The following BMERB1 variants were observed in gnomAD, a reference collection of about 807,000 sequenced individuals.
BMERB1 encodes bMERB domain containing 1.
A neutral mutation model predicts 23.6 loss-of-function variants in BMERB1; 12 were observed. The observed-to-expected ratio is 0.51, with a 90% confidence interval of 0.33 to 0.82. The LOEUF (loss-of-function observed/expected upper bound fraction) is 0.82. Among genes scored for constraint, BMERB1 ranks in the 40% least tolerant of loss-of-function variants. The probability of loss-of-function intolerance (pLI) is 0.03; values close to 1 mark genes in which losing one functional copy is unlikely to be tolerated. For synonymous variants in BMERB1, 122 were observed against 96.6 expected, an observed-to-expected ratio of 1.26 and a Z score of -1.54; for missense variants, 247 against 255.4, an observed-to-expected ratio of 0.97 and a Z score of 0.22.
intron 1 of BMERB1, among the ~76,000 whole-genome samples, chr16:15,440,919 G>T (rs1428722717): frequency 6.6e-6 from 1 of 152,148 alleles, no homozygotes; most frequent in Non-Finnish European, 1.5e-5. Flanking sequence ...TAGGGAAGGG[G>T]TACTTTTCAT....
chr16:15,485,702 T>TC (rs1033868741), intron 1 of BMERB1, among the ~76,000 whole-genome samples: 13 of 144,520 alleles, frequency 9.0e-5, no homozygotes, highest in Non-Finnish European at 1.7e-4. Context: ...GTGGGTTTTT[T>TC]CCCCCCCAGG....
intron 1 of BMERB1, among the ~76,000 whole-genome samples, chr16:15,473,545 A>C (rs1028330398): frequency 1.3e-5 from 2 of 151,898 alleles, no homozygotes; most frequent in African/African-American, 4.8e-5. Flanking sequence ...CACCCGCCTC[A>C]GCCTCCCAAA....
chr16:15,435,505 G>C (rs968926046), intron 1 of BMERB1, among the ~76,000 whole-genome samples: 8 of 152,172 alleles, frequency 5.3e-5, no homozygotes, highest in Non-Finnish European at 7.3e-5. Context: ...TGCCCTCAAA[G>C]TGTAGAGGCA....
chr16:15,437,057 A>G (rs2050894763), intron 1 of BMERB1, among the ~76,000 whole-genome samples: 1 of 152,152 alleles, frequency 6.6e-6, no homozygotes, highest in South Asian at 2.1e-4. Flanking sequence ...CAGGATTTGA[A>G]CCCCGGTCTG....
intron 1 of BMERB1, among the ~76,000 whole-genome samples, chr16:15,444,311 A>G (rs1053536594): frequency 6.6e-6 from 1 of 151,208 alleles, no homozygotes; most frequent in Non-Finnish European, 1.5e-5. Flanking sequence ...TTTCTTCACT[A>G]TTCACTTGTT....
intron 2 of BMERB1, among the ~76,000 whole-genome samples, chr16:15,562,314 A>T (rs1012251968): frequency 5.7e-4 from 86 of 151,832 alleles, no homozygotes; most frequent in African/African-American, 2.0e-3. Flanking sequence ...AAAAAAAAAA[A>T]AAAAAACATA....
At chr16:15,542,012 C>T (rs1243424901) in intron 2 of BMERB1, among the ~76,000 whole-genome samples, 1 of 149,616 alleles carries the variant, frequency 6.7e-6, no homozygotes, top group African/African-American at 2.5e-5. Flanking sequence ...ACCTGAGTAG[C>T]TGGGATTACA....
chr16:15,539,770 G>A (rs2052060709), intron 2 of BMERB1, among the ~76,000 whole-genome samples: 1 of 151,614 alleles, frequency 6.6e-6, no homozygotes, highest in African/African-American at 2.4e-5. Flanking sequence ...TTGAACCCGG[G>A]AGGTGGAGGT....
intron 1 of BMERB1, among the ~76,000 whole-genome samples, chr16:15,458,897 G>C (rs1372538820): frequency 6.6e-6 from 1 of 152,086 alleles, no homozygotes; most frequent in East Asian, 1.9e-4. Flanking sequence ...ACGAGGTCAG[G>C]AGTTTGAGAC....
intron 2 of BMERB1, among the ~76,000 whole-genome samples, chr16:15,565,204 G>T (rs1024508663): frequency 1.3e-5 from 2 of 152,178 alleles, no homozygotes; most frequent in Non-Finnish European, 2.9e-5. Flanking sequence ...GAGGCAGAAA[G>T]ATCAGTGGAC....
intron 1 of BMERB1, among the ~76,000 whole-genome samples, chr16:15,476,540 A>C (rs2051276453): frequency 6.6e-6 from 1 of 152,226 alleles, no homozygotes; most frequent in East Asian, 1.9e-4. Flanking sequence ...ACACCAGTGT[A>C]GGTGGAAAAT....
intron 1 of BMERB1, among the ~76,000 whole-genome samples, chr16:15,443,722 A>C (rs1401149677): frequency 6.6e-6 from 1 of 152,136 alleles, no homozygotes; most frequent in African/African-American, 2.4e-5. Flanking sequence ...GTTCGAGACC[A>C]GCCTGGCCAA....
intron 1 of BMERB1, among the ~76,000 whole-genome samples, chr16:15,454,190 T>G (rs1017302622): frequency 8.5e-5 from 13 of 152,222 alleles, no homozygotes; most frequent in African/African-American, 2.9e-4. Flanking sequence ...AGTGGAAGAT[T>G]AAGAGAAAAT....
intron 1 of BMERB1, among the ~76,000 whole-genome samples, chr16:15,444,124 T>G (rs1042004441): frequency 2.3e-5 from 1 of 43,320 alleles, no homozygotes; most frequent in South Asian, 1.1e-3. Flanking sequence ...ACCAGCTTTG[T>G]TTTTTTTTTT....
chr16:15,523,128 A>G (rs2051872813), intron 2 of BMERB1, among the ~76,000 whole-genome samples: 1 of 151,686 alleles, frequency 6.6e-6, no homozygotes, highest in Admixed American at 6.6e-5. Context: ...CAGCCTGGGC[A>G]CTCCTCCGAC....
chr16:15,453,410 T>G (rs1198650476), intron 1 of BMERB1, among the ~76,000 whole-genome samples: 2 of 152,100 alleles, frequency 1.3e-5, no homozygotes, highest in Non-Finnish European at 2.9e-5. Context: ...AGACCCTGTC[T>G]CTACAAAAAT....
At chr16:15,578,405 G>C (rs1167379328) in intron 3 of BMERB1, among the ~76,000 whole-genome samples, 2 of 151,784 alleles carry the variant, frequency 1.3e-5, no homozygotes, top group African/African-American at 4.8e-5. Context: ...TTGGGTTTAG[G>C]GTCCATGCTA....
At chr16:15,435,760 T>C (rs959807334) in intron 1 of BMERB1, among the ~76,000 whole-genome samples, 6 of 152,236 alleles carry the variant, frequency 3.9e-5, no homozygotes, top group African/African-American at 1.2e-4. Context: ...AAATTGTGTG[T>C]GCGCGCTTTC....
At chr16:15,557,216 T>C (rs1005081919) in intron 2 of BMERB1, among the ~76,000 whole-genome samples, 2 of 152,158 alleles carry the variant, frequency 1.3e-5, no homozygotes, top group African/African-American at 4.8e-5. Flanking sequence ...ATGACACGGG[T>C]TGGCTTTCTT....
Sources: gnomAD v4.1 joint callset for allele counts (sites outside exome capture counted in the v4.1 genomes callset) on GRCh38, gnomAD v4.1.1 for gene constraint, MANE v1.5 for transcripts, NCBI Gene and HGNC (gene_info 2026-07-23, HGNC 2026-07-21) for gene names.